Variants in TPX2 observed in about 807,000 individuals in gnomAD.
TPX2 encodes targeting protein for Xklp2.
A neutral mutation model predicts 93.6 loss-of-function variants in TPX2; 21 were observed. The ratio of observed to expected loss-of-function variants is 0.22; its 90% CI spans 0.16 to 0.32. The LOEUF (loss-of-function observed/expected upper bound fraction) is 0.32, where lower values mean the gene tolerates loss of function less well. Ranked by LOEUF, TPX2 falls within the 10% of genes least tolerant of loss-of-function variation. The pLI, the probability that TPX2 is intolerant of heterozygous loss-of-function variation, is 1.00. For missense variants in TPX2, 776 were observed against 871.1 expected, an observed-to-expected ratio of 0.89 and a Z score of 1.37; for synonymous variants, 281 against 298.3, an observed-to-expected ratio of 0.94 and a Z score of 0.60.
rs2062038752 is a variant in TPX2, at chr20:31,782,401, C to T, written c.1196+11C>T. 6 of 1,597,920 alleles carry T rather than the reference C, an allele frequency of 3.8e-6. No individual in the cohort carries two copies. The highest frequency in any genetic ancestry group is 5.1e-6 in the Non-Finnish European group (6 of 1,172,632). The stretch of plus-strand genomic sequence containing the variant: ...CGAGAAATTGCAACAGTAAGTCCCA[C>T]TGGCAGTATCTGAGGAAGAGTTCCA... On this transcript the variant is annotated intron_variant, in intron 11 of 17. Coordinates refer to ENST00000300403, the MANE Select transcript of TPX2 (RefSeq NM_012112.5).
intron 14 of TPX2, 111 bp downstream of exon 14, chr20:31,794,135 T>C: frequency 8.2e-7 from 1 of 1,215,098 alleles, no homozygotes; most frequent in Non-Finnish European, 1.1e-6. Context: ...TTGATCTTTC[T>C]AAGAACCCTA....
chr20:31,763,155 G>A (rs1164517396), intron 4 of TPX2, among the ~76,000 whole-genome samples: 1 of 151,994 alleles, frequency 6.6e-6, no homozygotes, highest in African/African-American at 2.4e-5. Flanking sequence ...TGGCTATATG[G>A]GGTCTTTTGT....
Position 31,748,339 on chromosome 20 carries a change from C to T in TPX2, c.-71+5692C>T, listed in dbSNP as rs546062304. 3.3e-5 allele frequency among the ~76,000 whole-genome samples: 5 copies of T among 152,210 alleles called. 1 individual carries two copies. Among genetic ancestry groups the T allele is most frequent in the Admixed American group, 3.3e-4 (5 of 15,264 alleles). The stretch of plus-strand genomic sequence containing the variant: ...GCTGCTTGAACCCTCTTCATAGTCT[C>T]TTTACTCTAGAATATCACTGAGGTT... On this transcript the variant is annotated intron_variant, in intron 2 of 17. Transcript: ENST00000300403.
Position 31,783,895 on chromosome 20 carries a change from C to T in TPX2, c.1387C>T (p.Pro463Ser). Residue 463 changes from proline to serine, a missense_variant, in exon 12 of 18, where the codon CCT becomes TCT. Physicochemically the swap from Pro to Ser is moderately conservative, Grantham distance 74. Coordinates refer to ENST00000300403, the MANE Select transcript of TPX2 (RefSeq NM_012112.5). ...CTTTGAATTTCATTCCAGACCTTGC[C>T]CTACTAAGATTTTGGAAGATGTTGT... Reference protein sequence around the residue: ...EHFEFHSRPCPTKILEDVVGV... With the variant: ...EHFEFHSRPCSTKILEDVVGV... The T allele has an allele frequency of 6.2e-7, 1 of 1,612,736 alleles. No individual in the cohort carries two copies. The highest frequency in any genetic ancestry group is 8.5e-7 in the Non-Finnish European group (1 of 1,179,774).
chr20:31,787,716 G>A (rs1048397695), intron 12 of TPX2, among the ~76,000 whole-genome samples: 3 of 152,166 alleles, frequency 2.0e-5, no homozygotes, highest in Non-Finnish European at 4.4e-5. Flanking sequence ...TAGAGGAATA[G>A]TTACTTATGC....
At chr20:31,766,454 GGTGTGTGTGTGT>G (rs35700111) in intron 4 of TPX2, 90 bp from the exon 5 acceptor site, 65 of 720,646 alleles carry the variant, frequency 9.0e-5, no homozygotes, top group East Asian at 5.3e-4. Flanking sequence ...GCTTAGACAG[GGTGTGTGTGTGT>G]GTGTGTGTGT....
At chr20:31,743,002 G>A (rs573251960) in intron 2 of TPX2, among the ~76,000 whole-genome samples, 46 of 152,202 alleles carry the variant, frequency 3.0e-4, no homozygotes, top group African/African-American at 1.1e-3. Context: ...ATCACCTGAG[G>A]TCAAGAGTTT....
At position 31,782,335 on chromosome 20, in the gene TPX2, G is replaced by A; in HGVS notation, c.1141G>A (p.Val381Met). The change falls in exon 11 of 18, where the codon GTG becomes ATG. Residue 381 changes from valine to methionine, a missense_variant. Coordinates refer to ENST00000300403, the MANE Select transcript of TPX2 (RefSeq NM_012112.5). ...GCAAACCAAACACCGTGCACGGGCT[G>A]TGACCTGCAAAAGTACAGCAGAGCT... ...VLQTKHRARAVTCKSTAELEA... is the reference protein window; with the variant it reads ...VLQTKHRARAMTCKSTAELEA... The A allele has an allele frequency of 6.2e-7, 1 of 1,613,696 alleles. No individual in the cohort carries two copies.
At chr20:31,764,910 T>G (rs2061914788) in intron 4 of TPX2, among the ~76,000 whole-genome samples, 1 of 152,148 alleles carries the variant, frequency 6.6e-6, no homozygotes, top group South Asian at 2.1e-4. Flanking sequence ...GTGCTGTTTC[T>G]TCCATGAAGC....
At chr20:31,766,739 A>G in intron 5 of TPX2, 57 bp downstream of exon 5, 1 of 1,548,864 alleles carries the variant, frequency 6.5e-7, no homozygotes, top group Non-Finnish European at 8.8e-7. Context: ...AAGGATAGTT[A>G]CTGGACAGAA....
chr20:31,797,548 C>A, intron 16 of TPX2, 33 bp downstream of exon 16: 1 of 1,578,246 alleles, frequency 6.3e-7, no homozygotes, highest in Non-Finnish European at 8.7e-7. Context: ...GGGACTCGGG[C>A]AGAATTGTCA....
chr20:31,801,692 G>A lies in TPX2; in HGVS notation c.*612G>A, dbSNP rs1299919897. On this transcript the variant is annotated 3_prime_UTR_variant, in exon 18 of 18. Transcript: ENST00000300403. ...CAGCCACGCAGCAGGCTCTGGGTGGGGCTGCCGTTAAGGCACGTTCTTTCC... is the reference window on the plus strand; with the variant it reads ...CAGCCACGCAGCAGGCTCTGGGTGGAGCTGCCGTTAAGGCACGTTCTTTCC... 3 of 152,278 alleles carry A rather than the reference G, an allele frequency of 2.0e-5. No individual in the cohort carries two copies. Among genetic ancestry groups the A allele is most frequent in the African/African-American group, 4.8e-5 (2 of 41,424 alleles). The allele number at this position is 152,278 out of a possible 1,614,324, so 9.4% of individuals were successfully genotyped here.
In TPX2 at chr20:31,766,465, G is replaced by GTGTGTGTGTGTGTGTA. The variant is rs1310995298; in HGVS notation, c.230-76_230-75insATGTGTGTGTGTGTGT. ...TGTGGCTTAGACAGGGTGTGTGTGTGTGTGTGTGTGTGTGTGTGTGTGTGT... is the reference window on the plus strand; with the variant it reads ...TGTGGCTTAGACAGGGTGTGTGTGTGTGTGTGTGTGTGTGTATGTGTGTGTGTGTGTGTGTGTGTGT... On this transcript the variant is annotated intron_variant, in intron 4 of 17. Coordinates refer to ENST00000300403, the MANE Select transcript of TPX2 (RefSeq NM_012112.5). 8 of 1,106,976 alleles carry GTGTGTGTGTGTGTGTA rather than the reference G, an allele frequency of 7.2e-6. No homozygotes were observed. In the African/African-American group the frequency reaches 1.3e-4, roughly 18 times the overall value. The allele number at this position is 1,106,976 out of a possible 1,614,324, so 68.6% of individuals were successfully genotyped here. A position where few individuals can be genotyped will look rare whatever the true frequency, so the allele number is the denominator to read the frequency against.
chr20:31,771,719 T>G, intron 7 of TPX2, 37 bp downstream of exon 7: 1 of 1,585,198 alleles, frequency 6.3e-7, no homozygotes, highest in South Asian at 1.2e-5. Flanking sequence ...TTAGAATGAA[T>G]GGTATAAAAT....
chr20:31,800,002 T>C (rs1393764252), intron 17 of TPX2, among the ~76,000 whole-genome samples: 1 of 151,988 alleles, frequency 6.6e-6, no homozygotes, highest in Non-Finnish European at 1.5e-5. Context: ...ATCCTCACAC[T>C]TTGGGAGGCC....
chr20:31,753,769 TA>T (rs1174336985), intron 2 of TPX2, among the ~76,000 whole-genome samples: 31 of 152,312 alleles, frequency 2.0e-4, no homozygotes, highest in Middle Eastern at 3.4e-3. Context: ...CTCATGCCTG[TA>T]ATCCCAGCAC....
chr20:31,774,156 A>G (rs1291766909), intron 7 of TPX2, among the ~76,000 whole-genome samples: 1 of 152,220 alleles, frequency 6.6e-6, no homozygotes, highest in Admixed American at 6.5e-5. Flanking sequence ...GGCATGAGCC[A>G]CCGCGCCTGG....
Position 31,783,753 on chromosome 20 carries a change from G to C in TPX2, c.1245G>C (p.Gly415=). The part of the protein sequence containing the change: ...RELDPRILEG[G]PILPKKPPVK... ...TTGATCCCAGAATACTTGAAGGTGG[G>C]CCCATCTTGCCCAAGAAACCACCTG... Residue 415 remains glycine, a synonymous_variant, in exon 12 of 18, where the codon GGG becomes GGC. Coordinates refer to ENST00000300403, the MANE Select transcript of TPX2 (RefSeq NM_012112.5). 1 of 1,613,006 alleles carries C rather than the reference G, an allele frequency of 6.2e-7. No individual in the cohort carries two copies. Among genetic ancestry groups the C allele is most frequent in the Non-Finnish European group, 8.5e-7 (1 of 1,179,660 alleles).
intron 12 of TPX2, among the ~76,000 whole-genome samples, chr20:31,789,918 C>T (rs1034404537): frequency 2.0e-5 from 3 of 152,170 alleles, no homozygotes; most frequent in African/African-American, 7.2e-5. Flanking sequence ...AATGAATCCT[C>T]AATTACTTAT....
Sources: allele counts gnomAD v4.1 joint callset (sites outside exome capture counted in the v4.1 genomes callset), GRCh38; gene constraint gnomAD v4.1.1; transcripts MANE v1.5; gene names NCBI Gene and HGNC (gene_info 2026-07-23, HGNC 2026-07-21).